Variants in PKHD1 observed in about 807,000 individuals in gnomAD.
PKHD1 encodes the protein PKHD1 ciliary IPT domain containing fibrocystin/polyductin.
In PKHD1, 291 loss-of-function variants were observed where a neutral mutation model predicts 412.0. The observed-to-expected ratio is 0.71, with a 90% CI of 0.64 to 0.78. The LOEUF is 0.78. Ranked by LOEUF, PKHD1 falls within the 30% of genes least tolerant of loss-of-function variation. PKHD1 has a pLI of 0.00. For missense variants in PKHD1, 4,825 were observed against 4,950.7 expected (o/e 0.97, Z 0.76); for synonymous variants, 1,777 against 1,821.5 (o/e 0.98, Z 0.62).
intron 35 of PKHD1, among the ~76,000 whole-genome samples, chr6:51,989,959 A>AAG (rs1796811654): frequency 2.7e-5 from 1 of 36,542 alleles, no homozygotes; most frequent in African/African-American, 1.1e-4. Context: ...AAGGAAGGAA[A>AAG]GAAGGAAGGA....
chr6:51,739,103 ATAT>A (rs1784227907), intron 60 of PKHD1, among the ~76,000 whole-genome samples: 1 of 147,326 alleles, frequency 6.8e-6, no homozygotes, highest in Non-Finnish European at 1.5e-5. Context: ...TGTATTTTAT[ATAT>A]ATTTATATAT....
At chr6:51,685,046 T>C (rs973098604) in intron 60 of PKHD1, among the ~76,000 whole-genome samples, 2 of 152,162 alleles carry the variant, frequency 1.3e-5, no homozygotes, top group African/African-American at 4.8e-5. Flanking sequence ...AATTTAAGGC[T>C]GATTTTCCCT....
intron 34 of PKHD1, among the ~76,000 whole-genome samples, chr6:52,011,114 C>T (rs942175816): frequency 6.6e-6 from 1 of 152,196 alleles, no homozygotes; most frequent in Non-Finnish European, 1.5e-5. Flanking sequence ...AGTTATACTA[C>T]CAGCCACTCG....
intron 27 of PKHD1, among the ~76,000 whole-genome samples, chr6:52,041,754 T>C (rs573981183): frequency 6.6e-6 from 1 of 152,288 alleles, no homozygotes; most frequent in East Asian, 1.9e-4. Flanking sequence ...CCAATTTTCC[T>C]AGGACCAAGT....
intron 27 of PKHD1, among the ~76,000 whole-genome samples, chr6:52,041,379 C>T (rs1039245009): frequency 5.9e-5 from 9 of 152,196 alleles, no homozygotes; most frequent in African/African-American, 1.9e-4. Flanking sequence ...GCATCTCTAA[C>T]AAGCTCATGG....
chr6:51,704,460 T>C (rs766857031), intron 60 of PKHD1, among the ~76,000 whole-genome samples: 16 of 152,112 alleles, frequency 1.1e-4, no homozygotes, highest in African/African-American at 3.9e-4. Flanking sequence ...CTTCTTTCTG[T>C]AGACTGTGGA....
At chr6:52,076,972 T>C (rs1811407302) in intron 5 of PKHD1, among the ~76,000 whole-genome samples, 2 of 152,152 alleles carry the variant, frequency 1.3e-5, no homozygotes, top group African/African-American at 2.4e-5. Flanking sequence ...GCAGCCTCAA[T>C]GGGAGCAGTG....
At chr6:51,869,490 T>C (rs1775626559) in intron 47 of PKHD1, among the ~76,000 whole-genome samples, 1 of 152,122 alleles carries the variant, frequency 6.6e-6, no homozygotes, top group African/African-American at 2.4e-5. Flanking sequence ...AACTATGTGT[T>C]TTTTATATTT....
intron 35 of PKHD1, among the ~76,000 whole-genome samples, chr6:51,972,603 C>T (rs1384459549): frequency 6.6e-6 from 1 of 152,216 alleles, no homozygotes; most frequent in African/African-American, 2.4e-5. Context: ...TCACCCTCAT[C>T]TTTGTGAACA....
chr6:51,833,519 T>C (rs1198688692), intron 51 of PKHD1, among the ~76,000 whole-genome samples: 2 of 149,864 alleles, frequency 1.3e-5, no homozygotes, highest in African/African-American at 4.9e-5. Context: ...AAAAGAAGCC[T>C]ACAAGAGTTA....
chr6:51,772,651 G>A (rs1310114467), intron 55 of PKHD1, 51 bp downstream of exon 55: 1 of 865,866 alleles, frequency 1.2e-6, no homozygotes, highest in Non-Finnish European at 1.9e-6. Flanking sequence ...TCAAGCAGAA[G>A]CAACCTAAAC....
intron 31 of PKHD1, 41 bp downstream of exon 31, chr6:52,027,784 TAGAA>T: frequency 8.1e-6 from 11 of 1,359,046 alleles, no homozygotes; most frequent in Non-Finnish European, 9.5e-6. Flanking sequence ...ATCCAGCAAA[TAGAA>T]TTGCTGGATA....
At chr6:51,772,917 T>A in intron 54 of PKHD1, 128 bp from the exon 55 acceptor site, 1 of 687,776 alleles carries the variant, frequency 1.5e-6, no homozygotes, top group East Asian at 2.6e-5. Context: ...GAAGGTCCCA[T>A]ATTATCAAAA....
At position 51,753,181 on chromosome 6, in the gene PKHD1, T is replaced by C. The variant is rs774945677; in HGVS notation, c.8950+20A>G. ...ATAGGCTCCAACTGGTAATGGCCAA[T>C]TACTTAAAATTTCATTTACCTGAAA... On this transcript the variant is annotated intron_variant, in intron 57 of 66. Transcript: ENST00000371117. The C allele has an allele frequency of 5.0e-6, 8 of 1,610,826 alleles. No individual in the cohort carries two copies. In the South Asian group the frequency reaches 8.8e-5, roughly 18 times the overall value.
At chr6:51,900,207 C>G (rs1210204917) in intron 43 of PKHD1, among the ~76,000 whole-genome samples, 1 of 152,138 alleles carries the variant, frequency 6.6e-6, no homozygotes, top group Admixed American at 6.5e-5. Context: ...GAGCCCGCAT[C>G]GCCAAGTCAA....
intron 63 of PKHD1, among the ~76,000 whole-genome samples, chr6:51,644,926 C>T (rs924656610): frequency 6.6e-5 from 10 of 152,166 alleles, no homozygotes; most frequent in African/African-American, 2.4e-4. Flanking sequence ...GATCTGCCCG[C>T]CTTGGCCTCC....
chr6:52,059,822 AT>A, intron 15 of PKHD1, 105 bp downstream of exon 15: 1 of 721,144 alleles, frequency 1.4e-6, no homozygotes. Context: ...ATCCAATGGC[AT>A]GTTAAACTAT....
chr6:51,776,233 G>A (rs1347825815), intron 53 of PKHD1, among the ~76,000 whole-genome samples: 3 of 151,998 alleles, frequency 2.0e-5, no homozygotes, highest in Admixed American at 6.6e-5. Context: ...TGTGAAAGTG[G>A]TAGGAATATT....
At chr6:51,619,668 A>G in intron 66 of PKHD1, 148 bp from the exon 67 acceptor site, 1 of 680,020 alleles carries the variant, frequency 1.5e-6, no homozygotes, top group Non-Finnish European at 2.5e-6. Context: ...CTTTTATCAG[A>G]CACTCCAAAT....
Sources: gnomAD v4.1 joint callset for allele counts (sites outside exome capture counted in the v4.1 genomes callset) on GRCh38, gnomAD v4.1.1 for gene constraint, MANE v1.5 for transcripts, NCBI Gene and HGNC (gene_info 2026-07-23, HGNC 2026-07-21) for gene names.